HDAC4: variants seen among roughly 807,000 people sequenced by gnomAD.
HDAC4 encodes the protein histone deacetylase A.
HDAC4 carries 16 observed loss-of-function variants against 135.1 expected under a neutral mutation model. The observed-to-expected ratio is 0.12, with a 90% confidence interval of 0.08 to 0.18. HDAC4 has a LOEUF of 0.18. Among genes scored for constraint, HDAC4 ranks in the 10% least tolerant of loss-of-function variants. HDAC4 has a pLI of 1.00. For synonymous variants in HDAC4, 685 were observed against 653.4 expected (o/e 1.05, Z -0.74); for missense variants, 1,143 against 1,511.8 (o/e 0.76, Z 4.05).
intron 11 of HDAC4, among the ~76,000 whole-genome samples, 151 bp from the exon 12 acceptor site, chr2:239,126,845 G>C (rs1326654138): frequency 6.6e-6 from 1 of 152,212 alleles, no homozygotes; most frequent in African/African-American, 2.4e-5. Context: ...CTCGCTAACT[G>C]GGCCCCTTCC....
chr2:239,294,409 G>A (rs889876988), intron 2 of HDAC4, among the ~76,000 whole-genome samples: 1 of 152,162 alleles, frequency 6.6e-6, no homozygotes, highest in Non-Finnish European at 1.5e-5. Context: ...GGAGTCTGGA[G>A]CCTACCTGGC....
intron 5 of HDAC4, among the ~76,000 whole-genome samples, chr2:239,172,167 AC>A (rs2043488176): frequency 6.6e-6 from 1 of 151,988 alleles, no homozygotes; most frequent in South Asian, 2.1e-4. Context: ...CCAGACCCTT[AC>A]TTTGCCAGAA....
chr2:239,389,595 GC>G (rs1469207358), intron 1 of HDAC4, among the ~76,000 whole-genome samples: 1 of 152,126 alleles, frequency 6.6e-6, no homozygotes, highest in Non-Finnish European at 1.5e-5. Flanking sequence ...CCTCCTAGAG[GC>G]CCGCTAAGGG....
At chr2:239,330,003 T>C (rs1447095764) in intron 2 of HDAC4, among the ~76,000 whole-genome samples, 1 of 152,102 alleles carries the variant, frequency 6.6e-6, no homozygotes, top group Non-Finnish European at 1.5e-5. Context: ...TGCAGAAAGC[T>C]GGAGAGGAGC....
rs771862462 is a variant in HDAC4, at chr2:239,115,088, G to A, written c.1756C>T (p.Arg586Cys). The A allele has an allele frequency of 6.2e-6, 10 of 1,611,274 alleles. No homozygotes were observed. Among genetic ancestry groups the A allele is most frequent in the Admixed American group, 3.3e-5 (2 of 60,002 alleles). ...AGCAGCTCCTGCTCACTGGGCTGGC[G>A]CTGGCCCGGCTCCACCTCCCGTGGG... ...EPPREVEPGQ[R>C]QPSEQELLFR... The change falls in exon 13 of 27, where the codon CGC becomes TGC. Residue 586 changes from arginine to cysteine, a missense_variant. Arg to Cys is a radical substitution (Grantham distance 180). Transcript: ENST00000543185. This position sits in a 1 kb window ranked among gnomAD's most constrained non-coding sequence, Gnocchi z 6.3.
rs1273998430 is a variant in HDAC4 at position 239,115,063 on chromosome 2, A to T, written c.1781T>A (p.Leu594His). 3 of 1,610,672 alleles carry T rather than the reference A, an allele frequency of 1.9e-6. No individual in the cohort carries two copies. Among genetic ancestry groups the T allele is most frequent in the Non-Finnish European group, 1.7e-6 (2 of 1,179,862 alleles). Residue 594 changes from leucine to histidine, a missense_variant, in exon 13 of 27, where the codon CTC becomes CAC. Around this residue, in one of 9 missense-constraint regions of HDAC4, gnomAD observed 196 missense variants for 210.7 expected, o/e 0.93. Coordinates refer to ENST00000543185, the MANE Select transcript of HDAC4 (RefSeq NM_001378414.1). This position sits in a 1 kb window ranked among gnomAD's most constrained non-coding sequence, Gnocchi z 6.3. ...CCCGCCTGCGGTCACCTGTCTGAAG[A>T]GCAGCTCCTGCTCACTGGGCTGGCG... ...GQRQPSEQEL[L>H]FRQQALLLEQ...
Position 239,246,871 on chromosome 2 carries a change from G to A in HDAC4, c.23-10207C>T, listed in dbSNP as rs1160686144. On this transcript the variant is annotated intron_variant, in intron 2 of 26. Transcript: ENST00000543185. The stretch of plus-strand genomic sequence containing the variant: ...GAGAGGATGTCCACTGCCCAGTGGC[G>A]AGGGCACATGTGGGTGCGTCACTGC... Among the ~76,000 whole-genome samples the A allele has an allele frequency of 8.5e-5, 13 of 152,246 alleles. No individual in the cohort carries two copies. In the East Asian group the frequency reaches 1.9e-3, roughly 23 times the overall value.
At chr2:239,362,055 C>A (rs143110221) in intron 1 of HDAC4, among the ~76,000 whole-genome samples, 109 of 152,342 alleles carry the variant, frequency 7.2e-4, no homozygotes, top group African/African-American at 2.5e-3. Context: ...CATATTACAA[C>A]TTTCAAACAC....
At chr2:239,300,749 G>A (rs907232830) in intron 2 of HDAC4, among the ~76,000 whole-genome samples, 4 of 152,166 alleles carry the variant, frequency 2.6e-5, no homozygotes, top group African/African-American at 4.8e-5. Context: ...TCCCCTCTCC[G>A]GTTCTTACAG....
At chr2:239,200,348 G>A (rs1367578637) in intron 3 of HDAC4, among the ~76,000 whole-genome samples, 1 of 152,160 alleles carries the variant, frequency 6.6e-6, no homozygotes, top group Admixed American at 6.5e-5. Context: ...TAACTGAATT[G>A]CAACTGTTGT....
At chr2:239,280,163 T>C (rs878980827) in intron 2 of HDAC4, among the ~76,000 whole-genome samples, 3 of 151,790 alleles carry the variant, frequency 2.0e-5, no homozygotes, top group Non-Finnish European at 4.4e-5. Flanking sequence ...CTGAAAAACA[T>C]GTTGGTCAAA....
At chr2:239,143,282 C>G (rs940210953) in intron 8 of HDAC4, among the ~76,000 whole-genome samples, 7 of 151,916 alleles carry the variant, frequency 4.6e-5, no homozygotes, top group African/African-American at 1.4e-4. Flanking sequence ...AACAAAAAAA[C>G]GCAAAGGTTC....
At chr2:239,213,765 G>C (rs74000523) in intron 3 of HDAC4, among the ~76,000 whole-genome samples, 5,252 of 152,348 alleles carry the variant, frequency 0.034, 312 homozygotes, top group African/African-American at 0.12. Context: ...TGCCTGACAG[G>C]GACAGAGTGA....
At chr2:239,131,319 T>G (rs2040566869) in intron 11 of HDAC4, among the ~76,000 whole-genome samples, 1 of 152,124 alleles carries the variant, frequency 6.6e-6, no homozygotes, top group Non-Finnish European at 1.5e-5. Context: ...TGTTCTAGCT[T>G]TGATATCCTA....
chr2:239,153,441 T>C (rs1173208895), intron 7 of HDAC4, among the ~76,000 whole-genome samples: 10 of 152,240 alleles, frequency 6.6e-5, no homozygotes, highest in African/African-American at 9.6e-5. Context: ...TGTTTCATAT[T>C]ACCAATTACT....
intron 4 of HDAC4, among the ~76,000 whole-genome samples, chr2:239,178,920 G>A (rs3791533): frequency 0.2 from 30,900 of 152,058 alleles, 3,445 homozygotes; most frequent in Admixed American, 0.32. Flanking sequence ...CATAGAGTGG[G>A]GTGTGTGTGC....
Position 239,329,457 on chromosome 2 carries a change from C to T in HDAC4, c.22+23221G>A, listed in dbSNP as rs188107546. On this transcript the variant is annotated intron_variant, in intron 2 of 26. Coordinates refer to ENST00000543185, the MANE Select transcript of HDAC4 (RefSeq NM_001378414.1). ...GCTTGGGCTGGGAGGGCAGGGGCCA[C>T]GTCGGGCCAGCAGCTCCTCTCCAGC... Among the ~76,000 whole-genome samples the T allele has an allele frequency of 3.5e-3, 522 of 150,532 alleles. 5 individuals are homozygous for T. The highest frequency in any genetic ancestry group is 0.011 in the African/African-American group (469 of 41,386).
chr2:239,311,838 C>T (rs367635769), intron 2 of HDAC4, among the ~76,000 whole-genome samples: 3 of 152,152 alleles, frequency 2.0e-5, no homozygotes, highest in Non-Finnish European at 4.4e-5. Flanking sequence ...AAGTCTGGAC[C>T]GGAGCCAGCA....
chr2:239,272,482 A>T (rs1173184961), intron 2 of HDAC4, among the ~76,000 whole-genome samples: 1 of 152,264 alleles, frequency 6.6e-6, no homozygotes, highest in Non-Finnish European at 1.5e-5. Flanking sequence ...CAAATAATCT[A>T]ATTTTAAAAT....
Sources: gnomAD v4.1 joint callset for allele counts (sites outside exome capture counted in the v4.1 genomes callset) on GRCh38, gnomAD v4.1.1 for gene constraint, gnomAD v4.1.1 regional missense constraint, Gnocchi (gnomAD v3.1) non-coding constraint, MANE v1.5 for transcripts, NCBI Gene and HGNC (gene_info 2026-07-23, HGNC 2026-07-21) for gene names.